Variants in CRPPA observed in about 807,000 individuals in gnomAD.
CRPPA encodes D-ribitol-5-phosphate cytidylyltransferase.
In CRPPA, 43 loss-of-function variants were observed where a neutral mutation model predicts 52.0. The ratio of observed to expected loss-of-function variants is 0.83; its 90% confidence interval spans 0.65 to 1.07. The LOEUF is 1.07. Among genes scored for constraint, CRPPA ranks in the 50% least tolerant of loss-of-function variants. CRPPA has a pLI of 0.00. For missense variants in CRPPA, 629 were observed against 551.7 expected, an observed-to-expected ratio of 1.14 and a Z score of -1.40; for synonymous variants, 250 against 203.5, an observed-to-expected ratio of 1.23 and a Z score of -1.94.
intron 9 of CRPPA, among the ~76,000 whole-genome samples, chr7:16,101,894 T>C (rs1782053457): frequency 1.3e-5 from 2 of 152,152 alleles, no homozygotes; most frequent in Non-Finnish European, 2.9e-5. Flanking sequence ...ACGTAATTTA[T>C]AGATTCAGTG....
intron 6 of CRPPA, among the ~76,000 whole-genome samples, chr7:16,271,402 GTCT>G (rs1784086786): frequency 6.6e-6 from 1 of 152,072 alleles, no homozygotes; most frequent in Non-Finnish European, 1.5e-5. Context: ...TTCAAATAAA[GTCT>G]TCTCTCACTT....
At chr7:16,336,719 A>T (rs931759607) in intron 3 of CRPPA, among the ~76,000 whole-genome samples, 1 of 152,102 alleles carries the variant, frequency 6.6e-6, no homozygotes, top group Non-Finnish European at 1.5e-5. Context: ...ACTAAACAGG[A>T]TCCAACCATA....
At chr7:16,397,480 CAT>C (rs1363924393) in intron 2 of CRPPA, among the ~76,000 whole-genome samples, 12 of 152,144 alleles carry the variant, frequency 7.9e-5, no homozygotes, top group Non-Finnish European at 8.8e-5. Flanking sequence ...TCATAGTTGA[CAT>C]AACAGAAACA....
intron 3 of CRPPA, among the ~76,000 whole-genome samples, chr7:16,319,559 G>A (rs1325843985): frequency 6.6e-6 from 1 of 152,108 alleles, no homozygotes; most frequent in African/African-American, 2.4e-5. Flanking sequence ...GGGTTAAGGT[G>A]TTTATGGGTA....
intron 3 of CRPPA, among the ~76,000 whole-genome samples, chr7:16,359,021 T>G (rs1284521334): frequency 6.6e-6 from 1 of 152,236 alleles, no homozygotes; most frequent in East Asian, 1.9e-4. Context: ...TTGTAGTGTA[T>G]GAATGCAACA....
chr7:16,136,830 TGA>T (rs1435742000), intron 9 of CRPPA, among the ~76,000 whole-genome samples: 1 of 152,220 alleles, frequency 6.6e-6, no homozygotes, highest in African/African-American at 2.4e-5. Flanking sequence ...CTCTTAAAAA[TGA>T]GATATGTATC....
chr7:16,265,237 A>T (rs1038121328), intron 6 of CRPPA, among the ~76,000 whole-genome samples: 2 of 152,098 alleles, frequency 1.3e-5, no homozygotes, highest in Non-Finnish European at 2.9e-5. Flanking sequence ...TAGGACTTAA[A>T]CCCTAGCTAG....
At chr7:16,164,053 C>T (rs1444588289) in intron 9 of CRPPA, among the ~76,000 whole-genome samples, 1 of 151,998 alleles carries the variant, frequency 6.6e-6, no homozygotes, top group African/African-American at 2.4e-5. Flanking sequence ...GGATGTTGGC[C>T]TCTCATGTTA....
At chr7:16,303,477 T>TGAAAAAAAAAAAAAAAAAAA (rs1784831950) in intron 4 of CRPPA, among the ~76,000 whole-genome samples, 1 of 44,970 alleles carries the variant, frequency 2.2e-5, no homozygotes. Flanking sequence ...CATAAAATAG[T>TGAAAAAAAAAAAAAAAAAAA]AAAAAAAAAA....
intron 9 of CRPPA, among the ~76,000 whole-genome samples, chr7:16,097,899 G>A (rs79430054): frequency 0.035 from 5,291 of 152,274 alleles, 274 homozygotes; most frequent in East Asian, 0.27. Flanking sequence ...CCTTGCAAGT[G>A]TATAAGTGGT....
At chr7:16,320,303 A>G (rs1157002627) in intron 3 of CRPPA, among the ~76,000 whole-genome samples, 1 of 152,166 alleles carries the variant, frequency 6.6e-6, no homozygotes, top group African/African-American at 2.4e-5. Flanking sequence ...TGCATAAACA[A>G]TGTATGAGAA....
chr7:16,261,128 G>A (rs773094653), intron 6 of CRPPA, among the ~76,000 whole-genome samples: 8 of 152,120 alleles, frequency 5.3e-5, no homozygotes, highest in African/African-American at 1.2e-4. Flanking sequence ...TTAAAAGTAC[G>A]AATGTTGCAT....
At chr7:16,190,574 C>T (rs762958220) in intron 9 of CRPPA, among the ~76,000 whole-genome samples, 16 of 152,166 alleles carry the variant, frequency 1.1e-4, no homozygotes, top group Non-Finnish European at 2.4e-4. Flanking sequence ...AAAGATCTCC[C>T]TTGTCTTTAG....
intron 9 of CRPPA, among the ~76,000 whole-genome samples, chr7:16,136,561 T>A (rs189281420): frequency 1.3e-5 from 2 of 152,180 alleles, no homozygotes; most frequent in Non-Finnish European, 1.5e-5. Context: ...AATACATAGA[T>A]CCTGAAACAG....
intron 3 of CRPPA, among the ~76,000 whole-genome samples, chr7:16,362,519 C>T (rs952423815): frequency 1.3e-5 from 2 of 152,048 alleles, no homozygotes; most frequent in Non-Finnish European, 2.9e-5. Context: ...TTAAGTTCAA[C>T]ATGTGAATTT....
intron 9 of CRPPA, among the ~76,000 whole-genome samples, chr7:16,211,036 C>T (rs1782120912): frequency 6.6e-6 from 1 of 152,004 alleles, no homozygotes; most frequent in Non-Finnish European, 1.5e-5. Flanking sequence ...TCCTGATTAC[C>T]CCAATTTTAT....
At chr7:16,118,620 G>T (rs1029433552) in intron 9 of CRPPA, among the ~76,000 whole-genome samples, 1 of 152,166 alleles carries the variant, frequency 6.6e-6, no homozygotes, top group Admixed American at 6.5e-5. Flanking sequence ...ACAAAGGAAA[G>T]AACTAGGACT....
chr7:16,212,769 A>G (rs1462297772), intron 9 of CRPPA, among the ~76,000 whole-genome samples: 1 of 152,216 alleles, frequency 6.6e-6, no homozygotes, highest in African/African-American at 2.4e-5. Context: ...TTTACAAATG[A>G]AGAACCTGGG....
chr7:16,235,884 G>A (rs1782938334), intron 8 of CRPPA: 1 of 152,076 alleles, frequency 6.6e-6, no homozygotes, highest in Non-Finnish European at 1.5e-5. Context: ...AATGCTATCT[G>A]TGATAATCAA....
Sources: gnomAD v4.1 joint callset for allele counts (sites outside exome capture counted in the v4.1 genomes callset) on GRCh38, gnomAD v4.1.1 for gene constraint, MANE v1.5 for transcripts, NCBI Gene and HGNC (gene_info 2026-07-23, HGNC 2026-07-21) for gene names.